The following KIAA0040 variants were observed in gnomAD, a reference collection of about 807,000 sequenced individuals.
The protein encoded by KIAA0040 is uncharacterized protein KIAA0040.
KIAA0040 carries 10 observed loss-of-function variants against 7.2 expected under a neutral mutation model. The observed-to-expected ratio is 1.38, with a 90% CI of 0.85 to 2.34. The LOEUF is 2.34. Ranked by LOEUF, KIAA0040 falls within the 30% of genes most tolerant of loss-of-function variation. The probability of loss-of-function intolerance (pLI) is 0.00; values close to 1 mark genes in which losing one functional copy is unlikely to be tolerated. For synonymous variants in KIAA0040, 49 were observed against 40.1 expected (o/e 1.22, Z -0.84); for missense variants, 89 against 108.2 (o/e 0.82, Z 0.79).
chr1:175,166,003 C>A (rs1360106399), intron 3 of KIAA0040, among the ~76,000 whole-genome samples: 1 of 152,038 alleles, frequency 6.6e-6, no homozygotes, highest in East Asian at 1.9e-4. Flanking sequence ...ACAATGGCAC[C>A]CAATTAGAAT....
At chr1:175,171,107 T>C (rs139666916) in intron 2 of KIAA0040, among the ~76,000 whole-genome samples, 57 of 152,320 alleles carry the variant, frequency 3.7e-4, no homozygotes, top group African/African-American at 1.3e-3. Context: ...AACATTTGCG[T>C]CAGCTCAAAT....
chr1:175,169,995 C>G (rs1676923025), intron 2 of KIAA0040, among the ~76,000 whole-genome samples: 1 of 152,118 alleles, frequency 6.6e-6, no homozygotes, highest in African/African-American at 2.4e-5. Flanking sequence ...TGTTTGTGCA[C>G]TTATTATCTC....
chr1:175,179,087 G>A (rs1283415467), intron 1 of KIAA0040, among the ~76,000 whole-genome samples: 1 of 152,042 alleles, frequency 6.6e-6, no homozygotes, highest in Non-Finnish European at 1.5e-5. Context: ...GAGCTACATA[G>A]GTTGGAAAAG....
intron 1 of KIAA0040, among the ~76,000 whole-genome samples, chr1:175,182,762 C>T (rs1224278973): frequency 6.6e-6 from 1 of 152,210 alleles, no homozygotes; most frequent in Non-Finnish European, 1.5e-5. Flanking sequence ...AAGAATAGAA[C>T]CTCTGTCGTA....
intron 2 of KIAA0040, among the ~76,000 whole-genome samples, chr1:175,171,718 C>T (rs1677002923): frequency 6.6e-6 from 1 of 152,196 alleles, no homozygotes; most frequent in African/African-American, 2.4e-5. Flanking sequence ...TAAATAATCA[C>T]CTACCTTCCT....
intron 2 of KIAA0040, among the ~76,000 whole-genome samples, chr1:175,172,589 A>C (rs1677031305): frequency 6.6e-6 from 1 of 152,176 alleles, no homozygotes; most frequent in Non-Finnish European, 1.5e-5. Flanking sequence ...AAAAACAAAC[A>C]AAAAAACCTG....
At chr1:175,190,533 A>T (rs932854236) in intron 1 of KIAA0040, among the ~76,000 whole-genome samples, 2 of 152,128 alleles carry the variant, frequency 1.3e-5, no homozygotes, top group African/African-American at 4.8e-5. Flanking sequence ...AGCTTACATG[A>T]TTTTTATTAA....
chr1:175,187,865 C>T (rs929468839), intron 1 of KIAA0040, among the ~76,000 whole-genome samples: 2 of 152,104 alleles, frequency 1.3e-5, no homozygotes, highest in East Asian at 1.9e-4. Context: ...ATTTTCCTCT[C>T]TTCTGCCAAT....
intron 1 of KIAA0040, among the ~76,000 whole-genome samples, chr1:175,187,795 A>T (rs1677720018): frequency 6.6e-6 from 1 of 152,098 alleles, no homozygotes; most frequent in African/African-American, 2.4e-5. Flanking sequence ...CTGTCAGGAC[A>T]ATGTGAAGAC....
chr1:175,177,907 T>C (rs781126871), intron 1 of KIAA0040, among the ~76,000 whole-genome samples: 21 of 152,380 alleles, frequency 1.4e-4, no homozygotes, highest in Middle Eastern at 6.8e-3. Flanking sequence ...GTGTCTGGGC[T>C]GTTAGGAACT....
At chr1:175,181,153 CTT>C (rs1164041727) in intron 1 of KIAA0040, among the ~76,000 whole-genome samples, 1 of 151,932 alleles carries the variant, frequency 6.6e-6, no homozygotes, top group Non-Finnish European at 1.5e-5. Flanking sequence ...TGCTTGGCCT[CTT>C]TGTGCTCTTC....
intron 1 of KIAA0040, among the ~76,000 whole-genome samples, chr1:175,191,966 C>T (rs1677882772): frequency 6.6e-6 from 1 of 152,198 alleles, no homozygotes; most frequent in South Asian, 2.1e-4. Context: ...CACTAGCTAT[C>T]ATCTATAGTT....
At chr1:175,168,927 C>G (rs185758575) in intron 2 of KIAA0040, among the ~76,000 whole-genome samples, 1 of 152,354 alleles carries the variant, frequency 6.6e-6, no homozygotes, top group Admixed American at 6.5e-5. Context: ...TCTCTCTCTG[C>G]TTGCTCATTG....
At chr1:175,184,405 T>A (rs981532477) in intron 1 of KIAA0040, among the ~76,000 whole-genome samples, 2 of 152,188 alleles carry the variant, frequency 1.3e-5, no homozygotes, top group African/African-American at 4.8e-5. Context: ...CCTACCCTTC[T>A]TCTCCCTCTT....
intron 1 of KIAA0040, among the ~76,000 whole-genome samples, chr1:175,181,242 G>C (rs1571210974): frequency 1.3e-5 from 2 of 152,110 alleles, no homozygotes; most frequent in East Asian, 3.9e-4. Context: ...GTGGGGGGCG[G>C]GGGGCTGGCT....
chr1:175,187,350 C>T (rs776447208), intron 1 of KIAA0040, among the ~76,000 whole-genome samples: 1 of 152,164 alleles, frequency 6.6e-6, no homozygotes, highest in Non-Finnish European at 1.5e-5. Context: ...TTGACCCCAG[C>T]ATTAGTTTCT....
At chr1:175,163,017 C>T (rs2101876765) in intron 3 of KIAA0040, among the ~76,000 whole-genome samples, 1 of 152,260 alleles carries the variant, frequency 6.6e-6, no homozygotes, top group African/African-American at 2.4e-5. Flanking sequence ...TACTGTGGTT[C>T]CCCCATCCTG....
intron 1 of KIAA0040, among the ~76,000 whole-genome samples, chr1:175,191,240 T>C (rs1451651678): frequency 6.6e-6 from 1 of 152,244 alleles, no homozygotes; most frequent in East Asian, 1.9e-4. Context: ...ATGTATGGAA[T>C]GGATGCATCT....
At chr1:175,171,756 A>C (rs946639395) in intron 2 of KIAA0040, among the ~76,000 whole-genome samples, 8 of 152,250 alleles carry the variant, frequency 5.3e-5, no homozygotes, top group Non-Finnish European at 1.2e-4. Context: ...AGCCCATTGT[A>C]GCTGGGACTT....
Sources: gnomAD v4.1 joint callset for allele counts (sites outside exome capture counted in the v4.1 genomes callset) on GRCh38, gnomAD v4.1.1 for gene constraint, MANE v1.5 for transcripts, NCBI Gene and HGNC (gene_info 2026-07-23, HGNC 2026-07-21) for gene names.